The following TMC5 variants were observed in gnomAD, a reference collection of about 807,000 sequenced individuals.
TMC5 encodes the protein transmembrane channel like 5, also known as transmembrane channel-like protein 5.
A neutral mutation model predicts 110.5 loss-of-function variants in TMC5; 86 were observed. The ratio of observed to expected loss-of-function variants is 0.78; its 90% CI spans 0.65 to 0.93. The LOEUF (loss-of-function observed/expected upper bound fraction) is 0.93. TMC5 is among the 40% of genes least tolerant of loss of function. TMC5 has a pLI of 0.00. For missense variants in TMC5, 1,144 were observed against 1,222.8 expected, an observed-to-expected ratio of 0.94 and a Z score of 0.96; for synonymous variants, 455 against 439.5, an observed-to-expected ratio of 1.04 and a Z score of -0.44.
At chr16:19,445,396 C>A (rs1967591470) in intron 4 of TMC5, among the ~76,000 whole-genome samples, 6 of 151,966 alleles carry the variant, frequency 3.9e-5, no homozygotes, top group Admixed American at 3.9e-4. Flanking sequence ...TTGCATGCCA[C>A]CATGCCTGGC....
chr16:19,444,123 C>T lies in TMC5; in HGVS notation c.831C>T (p.His277=), dbSNP rs570006378. ...CTTCAATCCAGCCCTCATTTCGTCACAGGAGTGATGACCCCGTGGGCAGTC... is the reference window on the plus strand; with the variant it reads ...CTTCAATCCAGCCCTCATTTCGTCATAGGAGTGATGACCCCGTGGGCAGTC... ...RTSSIQPSFR[H]RSDDPVGSLW... is the part of the protein sequence containing the mutation. The change falls in exon 4 of 22, where the codon CAC becomes CAT. Residue 277 remains histidine, a synonymous_variant. Coordinates refer to ENST00000542583, the MANE Select transcript of TMC5 (RefSeq NM_001261841.2). The T allele has an allele frequency of 1.2e-6, 2 of 1,614,134 alleles. No homozygotes were observed. Among genetic ancestry groups the T allele is most frequent in the African/African-American group, 1.3e-5 (1 of 75,042 alleles).
chr16:19,457,407 T>C (rs551004370), intron 5 of TMC5, among the ~76,000 whole-genome samples: 1 of 151,944 alleles, frequency 6.6e-6, no homozygotes, highest in East Asian at 1.9e-4. Context: ...AAGAAGGACA[T>C]TGAGTAATAT....
intron 2 of TMC5, among the ~76,000 whole-genome samples, chr16:19,434,002 AT>A (rs1276956956): frequency 2.3e-4 from 22 of 94,306 alleles, no homozygotes; most frequent in Non-Finnish European, 3.9e-4. Context: ...ATATATATAT[AT>A]TATATATATA....
At chr16:19,454,201 C>T (rs1246548568) in intron 5 of TMC5, among the ~76,000 whole-genome samples, 5 of 152,130 alleles carry the variant, frequency 3.3e-5, no homozygotes, top group Non-Finnish European at 7.3e-5. Context: ...GCCCCTGCCA[C>T]CACACCTGGA....
At chr16:19,493,025 A>G (rs1968954740) in intron 19 of TMC5, among the ~76,000 whole-genome samples, 1 of 148,826 alleles carries the variant, frequency 6.7e-6, no homozygotes, top group African/African-American at 2.5e-5. Context: ...GCAGTGGAGC[A>G]ATCTTGGCTC....
intron 19 of TMC5, among the ~76,000 whole-genome samples, 193 bp from the exon 20 acceptor site, chr16:19,494,069 C>T (rs1276790409): frequency 6.6e-6 from 1 of 152,094 alleles, no homozygotes; most frequent in Non-Finnish European, 1.5e-5. Flanking sequence ...TGCAGGAAGG[C>T]TCTGGGGGAT....
chr16:19,446,617 A>C (rs1489810926), intron 4 of TMC5, among the ~76,000 whole-genome samples: 2 of 152,230 alleles, frequency 1.3e-5, no homozygotes, highest in Non-Finnish European at 2.9e-5. Flanking sequence ...ACTTAGAAAG[A>C]AATATGCACA....
At chr16:19,421,765 T>A (rs1966987675) in intron 1 of TMC5, among the ~76,000 whole-genome samples, 2 of 152,112 alleles carry the variant, frequency 1.3e-5, no homozygotes, top group South Asian at 4.1e-4. Context: ...ATTCAAGAGG[T>A]GAATGTGGAA....
chr16:19,439,253 T>G (rs1465617507), intron 2 of TMC5, among the ~76,000 whole-genome samples: 1 of 152,198 alleles, frequency 6.6e-6, no homozygotes, highest in Non-Finnish European at 1.5e-5. Context: ...GCTCATAAAA[T>G]CTTATTTTCA....
intron 1 of TMC5, among the ~76,000 whole-genome samples, chr16:19,425,648 A>G (rs1967074982): frequency 1.3e-5 from 2 of 151,750 alleles, no homozygotes; most frequent in South Asian, 4.2e-4. Flanking sequence ...CTTTCTCTCA[A>G]ATACCTTCTT....
At chr16:19,496,174 TAAA>T (rs1185261726) in intron 20 of TMC5, among the ~76,000 whole-genome samples, 1 of 141,282 alleles carries the variant, frequency 7.1e-6, no homozygotes, top group Non-Finnish European at 1.6e-5. Flanking sequence ...AAAAAAAAAT[TAAA>T]AAGTTATTTT....
chr16:19,416,016 A>G (rs2143323719), upstream of TMC5, among the ~76,000 whole-genome samples: 1 of 152,296 alleles, frequency 6.6e-6, no homozygotes, highest in African/African-American at 2.4e-5. Context: ...CCCCATATCT[A>G]TAAAAATTTA....
chr16:19,457,659 G>GGA (rs1967913347), intron 5 of TMC5, among the ~76,000 whole-genome samples: 1 of 143,364 alleles, frequency 7.0e-6, no homozygotes, highest in African/African-American at 2.5e-5. Context: ...TTAGTGACCT[G>GGA]GAAGATCTGG....
rs529492148 is a variant in TMC5 at position 19,488,964 on chromosome 16, T to C, written c.2574-1431T>C. 3.9e-5 allele frequency among the ~76,000 whole-genome samples: 6 copies of C among 152,332 alleles called. No homozygotes were observed. The South Asian group carries it at 1.2e-3, about 32-fold the overall frequency. On this transcript the variant is annotated intron_variant, in intron 17 of 21. Coordinates refer to ENST00000542583, the MANE Select transcript of TMC5 (RefSeq NM_001261841.2). ...CAAGGGAGATGATTTTTAGGACACA[T>C]GTGAAACTGGGGCTCTCAGTTCCTT...
Position 19,494,257 on chromosome 16 carries a change from G to C in TMC5, c.2827-5G>C. On this transcript the variant is annotated splice_region_variant and splice_polypyrimidine_tract_variant and intron_variant, in intron 19 of 21. Transcript: ENST00000542583. ...TCTTTCTGGTTTTGTTTTCCTTCTT[G>C]GTAGGAGGGCAAAGATAAAATGTTC... 4.4e-6 allele frequency: 7 copies of C among 1,605,970 alleles called. No homozygotes were observed. Among genetic ancestry groups the C allele is most frequent in the Non-Finnish European group, 6.0e-6 (7 of 1,175,388 alleles).
At chr16:19,414,020 C>T (rs1310689915), upstream of TMC5, among the ~76,000 whole-genome samples, 2 of 152,256 alleles carry the variant, frequency 1.3e-5, no homozygotes, top group Non-Finnish European at 2.9e-5. Flanking sequence ...ATTACAATGA[C>T]TTCCATTTTA....
chr16:19,466,948 T>C (rs886396134), intron 9 of TMC5, among the ~76,000 whole-genome samples: 1 of 152,002 alleles, frequency 6.6e-6, no homozygotes, highest in Admixed American at 6.6e-5. Context: ...AGTTCGAGAC[T>C]GGACTGGGCA....
At chr16:19,465,102 T>TTCCC (rs1218709972) in intron 8 of TMC5, among the ~76,000 whole-genome samples, 7 of 105,254 alleles carry the variant, frequency 6.7e-5, no homozygotes, top group African/African-American at 3.0e-4. Flanking sequence ...CCTTCCTTCC[T>TTCCC]TCCTTCCTTC....
chr16:19,420,622 C>T (rs1259374245), intron 1 of TMC5, among the ~76,000 whole-genome samples: 1 of 151,992 alleles, frequency 6.6e-6, no homozygotes, highest in Non-Finnish European at 1.5e-5. Flanking sequence ...CCACTGTGCT[C>T]AGCTAATTTT....
Sources: gnomAD v4.1 joint callset for allele counts (sites outside exome capture counted in the v4.1 genomes callset) on GRCh38, gnomAD v4.1.1 for gene constraint, MANE v1.5 for transcripts, NCBI Gene and HGNC (gene_info 2026-07-23, HGNC 2026-07-21) for gene names.